FAM120C: variants seen among roughly 807,000 people sequenced by gnomAD.
The protein encoded by FAM120C is family with sequence similarity 120 member C.
FAM120C carries 14 observed loss-of-function variants against 71.2 expected under a neutral mutation model. That is an observed-to-expected ratio of 0.20 (90% CI 0.13 to 0.31). The LOEUF (loss-of-function observed/expected upper bound fraction) is 0.31, where lower values mean the gene tolerates loss of function less well. Among genes scored for constraint, FAM120C ranks in the 10% least tolerant of loss-of-function variants. The pLI is 1.00. For synonymous variants in FAM120C, 354 were observed against 353.2 expected (o/e 1.00, Z -0.03); for missense variants, 500 against 879.0 (o/e 0.57, Z 5.45).
intron 1 of FAM120C, among the ~76,000 whole-genome samples, chrX:54,160,423 GGTGA>G (rs2067230581): frequency 9.0e-6 from 1 of 110,801 alleles, no homozygotes; most frequent in Admixed American, 9.7e-5. Flanking sequence ...TTGCATAATG[GGTGA>G]GTGTGGTAGA....
intron 4 of FAM120C, among the ~76,000 whole-genome samples, chrX:54,138,072 G>A (rs1228811125): frequency 1.3e-4 from 15 of 111,292 alleles, no homozygotes; most frequent in Admixed American, 1.2e-3. Flanking sequence ...ATATATCAAT[G>A]GAAGAATAAA....
At chrX:54,148,226 T>G (rs2067167267) in intron 4 of FAM120C, among the ~76,000 whole-genome samples, 1 of 111,045 alleles carries the variant, frequency 9.0e-6, no homozygotes, top group Non-Finnish European at 1.9e-5. Context: ...AGCACTCATA[T>G]GCATTATAAA....
chrX:54,078,017 C>T (rs1377761427), intron 15 of FAM120C, among the ~76,000 whole-genome samples: 2 of 96,198 alleles, frequency 2.1e-5, no homozygotes, highest in East Asian at 6.7e-4. Flanking sequence ...GATCTCGGCT[C>T]ACTGCAAGCT....
At chrX:54,108,915 C>A (rs2066920943) in intron 10 of FAM120C, among the ~76,000 whole-genome samples, 1 of 73,024 alleles carries the variant, frequency 1.4e-5, no homozygotes, top group Non-Finnish European at 2.6e-5. Flanking sequence ...GCCTGGGTGA[C>A]AGAGACTCTG....
chrX:54,108,502 G>A (rs1213960485), intron 10 of FAM120C, among the ~76,000 whole-genome samples: 1 of 111,479 alleles, frequency 9.0e-6, no homozygotes, highest in Admixed American at 9.6e-5. Flanking sequence ...AAAGAAAAGA[G>A]TGGAGATTTG....
chrX:54,134,556 C>T (rs781929775), intron 7 of FAM120C, among the ~76,000 whole-genome samples: 7 of 111,858 alleles, frequency 6.3e-5, no homozygotes, highest in African/African-American at 1.6e-4. Context: ...TAAGAAATGA[C>T]AGCCACAATA....
Position 54,081,311 on chromosome X carries a change from T to A in FAM120C, c.2978+11A>T. 1 of 1,204,307 alleles carries A rather than the reference T, an allele frequency of 8.3e-7. No individual in the cohort carries two copies. The highest frequency in any genetic ancestry group is 2.2e-5 in the Admixed American group (1 of 44,798). ...GGGGACTAGCTCATATCAACCTATT[T>A]GGGTACATACCCCTTTCCTGGCCCA... On this transcript the variant is annotated intron_variant, in intron 14 of 15. Transcript: ENST00000375180.
chrX:54,110,712 T>A (rs1557125553), intron 10 of FAM120C, among the ~76,000 whole-genome samples: 1 of 109,927 alleles, frequency 9.1e-6, no homozygotes, highest in African/African-American at 3.3e-5. Context: ...GCCCAGGAGT[T>A]CAAGACTGGG....
chrX:54,177,405 T>C (rs1557136802), intron 1 of FAM120C, among the ~76,000 whole-genome samples: 1 of 111,241 alleles, frequency 9.0e-6, no homozygotes, highest in Non-Finnish European at 1.9e-5. Context: ...CAGAAGTAGC[T>C]GGACTCAGGA....
chrX:54,114,202 G>A (rs1245615334), intron 10 of FAM120C, among the ~76,000 whole-genome samples: 2 of 110,854 alleles, frequency 1.8e-5, no homozygotes, highest in African/African-American at 6.5e-5. Flanking sequence ...ACTTATAAGT[G>A]GGAGGTAAAT....
intron 1 of FAM120C, among the ~76,000 whole-genome samples, chrX:54,177,572 G>T (rs2067325210): frequency 9.0e-6 from 1 of 111,221 alleles, no homozygotes; most frequent in Non-Finnish European, 1.9e-5. Context: ...ACAAGTTTTG[G>T]GGAAACATAA....
intron 10 of FAM120C, among the ~76,000 whole-genome samples, chrX:54,098,591 G>C (rs920386614): frequency 9.0e-6 from 1 of 110,975 alleles, no homozygotes; most frequent in Non-Finnish European, 1.9e-5. Flanking sequence ...TTTTTCATGT[G>C]CTTATTGGAC....
intron 7 of FAM120C, 38 bp from the exon 8 acceptor site, chrX:54,134,084 G>A: frequency 8.5e-7 from 1 of 1,173,310 alleles, no homozygotes; most frequent in Non-Finnish European, 1.1e-6. Context: ...ACAGAAAAGG[G>A]AGATTGATAA....
At chrX:54,141,950 AAAATC>A (rs1444185663) in intron 4 of FAM120C, among the ~76,000 whole-genome samples, 2 of 112,216 alleles carry the variant, frequency 1.8e-5, no homozygotes, top group Non-Finnish European at 3.8e-5. Context: ...GCTGATGAAA[AAAATC>A]AAAGAAGACC....
chrX:54,181,060 G>A (rs1162063533), intron 1 of FAM120C, among the ~76,000 whole-genome samples: 1 of 106,113 alleles, frequency 9.4e-6, no homozygotes, highest in Non-Finnish European at 1.9e-5. Flanking sequence ...GATAGCTCAC[G>A]TTTGGATTAG....
intron 14 of FAM120C, 24 bp from the exon 15 acceptor site, chrX:54,080,313 G>C (rs2066758154): frequency 1.7e-6 from 2 of 1,170,278 alleles, no homozygotes; most frequent in Non-Finnish European, 2.3e-6. Flanking sequence ...GAAAAAAAGT[G>C]ATCATGAGAA....
chrX:54,098,041 CTT>C (rs782139749), intron 10 of FAM120C, among the ~76,000 whole-genome samples: 9 of 73,331 alleles, frequency 1.2e-4, no homozygotes, highest in Admixed American at 3.3e-4. Context: ...TTTTATATTA[CTT>C]TTTTTTTTTT....
At chrX:54,095,656 T>C (rs1276358873) in intron 10 of FAM120C, among the ~76,000 whole-genome samples, 3 of 109,065 alleles carry the variant, frequency 2.8e-5, no homozygotes, top group African/African-American at 1.0e-4. Flanking sequence ...CCACATCTTT[T>C]TTTTTGGTTT....
At chrX:54,148,244 C>G (rs1338673178) in intron 4 of FAM120C, among the ~76,000 whole-genome samples, 1 of 110,492 alleles carries the variant, frequency 9.1e-6, no homozygotes, top group African/African-American at 3.3e-5. Flanking sequence ...AAAGAACTCT[C>G]AAAACACCAC....
Sources: allele counts gnomAD v4.1 joint callset (sites outside exome capture counted in the v4.1 genomes callset), GRCh38; gene constraint gnomAD v4.1.1; transcripts MANE v1.5; gene names NCBI Gene and HGNC (gene_info 2026-07-23, HGNC 2026-07-21).